The following MAPRE2 variants were observed in gnomAD, a reference collection of about 807,000 sequenced individuals.
The protein encoded by MAPRE2 is microtubule associated protein RP/EB family member 2.
Under a neutral mutation model 43.2 loss-of-function variants are expected in MAPRE2, and 13 were observed. The observed-to-expected ratio is 0.30, with a 90% CI of 0.20 to 0.48. The LOEUF (loss-of-function observed/expected upper bound fraction) is 0.48. MAPRE2 is among the 20% of genes least tolerant of loss of function. The pLI is 0.99. For synonymous variants in MAPRE2, 135 were observed against 148.8 expected, an observed-to-expected ratio of 0.91 and a Z score of 0.68; for missense variants, 161 against 400.2, an observed-to-expected ratio of 0.40 and a Z score of 5.10.
intron 2 of MAPRE2, among the ~76,000 whole-genome samples, chr18:35,016,893 A>G (rs1033714069): frequency 1.3e-4 from 20 of 151,988 alleles, no homozygotes; most frequent in Non-Finnish European, 2.9e-4. Context: ...CAATGTCCAG[A>G]ATGGTGTTTC....
intron 2 of MAPRE2, among the ~76,000 whole-genome samples, chr18:35,025,683 A>C (rs1490472288): frequency 6.6e-6 from 1 of 152,226 alleles, no homozygotes; most frequent in Non-Finnish European, 1.5e-5. Context: ...TTTTTAATAA[A>C]GCAAGCTGAA....
chr18:35,083,269 T>C lies in MAPRE2; in HGVS notation c.250+12947T>C, dbSNP rs189344018. 1.8e-3 allele frequency among the ~76,000 whole-genome samples: 280 copies of C among 152,278 alleles called. 2 individuals carry two copies. The highest frequency in any genetic ancestry group is 1.2e-3 in the Non-Finnish European group (79 of 68,024). ...CATTAAAGTAGAAGGGTAATACAAGTGTGTGAGAATACGTGAGTGCACATG... is the reference window on the plus strand; with the variant it reads ...CATTAAAGTAGAAGGGTAATACAAGCGTGTGAGAATACGTGAGTGCACATG... On this transcript the variant is annotated intron_variant, in intron 2 of 6. Transcript: ENST00000300249.
chr18:35,110,991 T>G (rs1447298317), intron 4 of MAPRE2, among the ~76,000 whole-genome samples: 1 of 152,168 alleles, frequency 6.6e-6, no homozygotes, highest in Non-Finnish European at 1.5e-5. Flanking sequence ...TTTATGTCTT[T>G]GGAAAGATTC....
intron 4 of MAPRE2, among the ~76,000 whole-genome samples, chr18:35,120,742 A>C (rs1909630628): frequency 6.6e-6 from 1 of 152,006 alleles, no homozygotes; most frequent in African/African-American, 2.4e-5. Context: ...TTTTTAACCA[A>C]GCTCATCATC....
chr18:35,127,172 A>T, intron 5 of MAPRE2, 85 bp downstream of exon 5: 1 of 1,378,860 alleles, frequency 7.3e-7, no homozygotes. Context: ...GACTGGGGTA[A>T]GGGAGGGAAG....
At chr18:35,132,343 G>A (rs536741891) in intron 6 of MAPRE2, among the ~76,000 whole-genome samples, 153 bp downstream of exon 6, 12 of 152,314 alleles carry the variant, frequency 7.9e-5, no homozygotes, top group East Asian at 3.9e-4. Context: ...AATAAACATC[G>A]TTATCATCAT....
intron 1 of MAPRE2, among the ~76,000 whole-genome samples, chr18:34,997,537 T>A (rs904156802): frequency 6.6e-6 from 1 of 152,082 alleles, no homozygotes; most frequent in Non-Finnish European, 1.5e-5. Flanking sequence ...CCATTTCAGC[T>A]GGGCACAGTG....
chr18:35,025,845 A>G (rs1481475421), intron 2 of MAPRE2, among the ~76,000 whole-genome samples: 2 of 152,214 alleles, frequency 1.3e-5, no homozygotes, highest in African/African-American at 4.8e-5. Context: ...TACCAAGTAC[A>G]GAGGAAGCTT....
chr18:34,980,031 CTTTTTTTTT>C (rs796434537), intron 1 of MAPRE2, among the ~76,000 whole-genome samples: 512 of 46,102 alleles, frequency 0.011, 2 homozygotes, highest in African/African-American at 0.032. Flanking sequence ...TTCTTTTTTT[CTTTTTTTTT>C]TTTTTTTTTT....
At chr18:35,006,183 G>T (rs531918875) in intron 2 of MAPRE2, among the ~76,000 whole-genome samples, 1 of 152,176 alleles carries the variant, frequency 6.6e-6, no homozygotes, top group African/African-American at 2.4e-5. Context: ...AGATGGCAAT[G>T]TTTGGAAAGC....
In MAPRE2 at chr18:35,140,387, T is replaced by C. The variant is rs762374638; in HGVS notation, c.*18T>C. 84 of 1,599,964 alleles carry C rather than the reference T, an allele frequency of 5.3e-5. No homozygotes were observed. The Admixed American group carries it at 1.4e-3, about 27-fold the overall frequency. ...AGTACTGACCCACCCCGGCTGCTCT[T>C]GACACTTCCATTGTGTGTGGGAACG... On this transcript the variant is annotated 3_prime_UTR_variant, in exon 7 of 7. Transcript: ENST00000300249.
Position 35,141,982 on chromosome 18 carries a change from T to C in MAPRE2, c.*1613T>C, listed in dbSNP as rs1164838920. ...CAGCAAAGTGATATTTATTGAGTTATGTGGAAAAGATGGCTTGTATTTTTC... is the reference window on the plus strand; with the variant it reads ...CAGCAAAGTGATATTTATTGAGTTACGTGGAAAAGATGGCTTGTATTTTTC... On this transcript the variant is annotated 3_prime_UTR_variant, in exon 7 of 7. Coordinates refer to ENST00000300249, the MANE Select transcript of MAPRE2 (RefSeq NM_014268.4). The C allele has an allele frequency of 6.6e-6, 1 of 152,244 alleles. No homozygotes were observed. Among genetic ancestry groups the C allele is most frequent in the African/African-American group, 2.4e-5 (1 of 41,454 alleles). 9.4% of individuals were successfully genotyped at this position (152,244 alleles called of 1,614,324 possible).
At chr18:34,997,151 C>G (rs2097026915) in intron 1 of MAPRE2, among the ~76,000 whole-genome samples, 1 of 152,158 alleles carries the variant, frequency 6.6e-6, no homozygotes, top group Non-Finnish European at 1.5e-5. Flanking sequence ...CCCTACCTCT[C>G]CTGACAAATA....
At chr18:34,987,238 C>T (rs2097021477) in intron 1 of MAPRE2, among the ~76,000 whole-genome samples, 1 of 152,078 alleles carries the variant, frequency 6.6e-6, no homozygotes, top group Non-Finnish European at 1.5e-5. Flanking sequence ...ATGAGAAATC[C>T]ATCAACGATG....
At chr18:34,985,470 TA>T (rs1200635921) in intron 1 of MAPRE2, among the ~76,000 whole-genome samples, 1 of 43,858 alleles carries the variant, frequency 2.3e-5, no homozygotes, top group East Asian at 8.6e-4. Flanking sequence ...GTATATTATA[TA>T]ATATATAATA....
At chr18:35,026,600 A>G (rs1603391386) in intron 2 of MAPRE2, among the ~76,000 whole-genome samples, 1 of 152,104 alleles carries the variant, frequency 6.6e-6, no homozygotes, top group African/African-American at 2.4e-5. Flanking sequence ...GTTTGTCACT[A>G]CCACATGGGG....
At chr18:35,103,834 A>G (rs568257666) in intron 4 of MAPRE2, among the ~76,000 whole-genome samples, 37 of 152,300 alleles carry the variant, frequency 2.4e-4, no homozygotes, top group African/African-American at 7.7e-4. Context: ...GGCCTGAAAG[A>G]GTTCATTAGA....
intron 2 of MAPRE2, among the ~76,000 whole-genome samples, chr18:35,028,898 T>C (rs937574625): frequency 1.3e-5 from 2 of 152,234 alleles, no homozygotes; most frequent in African/African-American, 4.8e-5. Context: ...ATCTATCAGC[T>C]AACTATTAAC....
chr18:35,132,223 T>C (rs758344319), intron 6 of MAPRE2, 33 bp downstream of exon 6: 14 of 1,606,402 alleles, frequency 8.7e-6, no homozygotes, highest in Admixed American at 1.7e-5. Context: ...TCCTGTGTTC[T>C]AAAATGACTC....
Sources: gnomAD v4.1 joint callset for allele counts (sites outside exome capture counted in the v4.1 genomes callset) on GRCh38, gnomAD v4.1.1 for gene constraint, MANE v1.5 for transcripts, NCBI Gene and HGNC (gene_info 2026-07-23, HGNC 2026-07-21) for gene names.